STK24: variants seen among roughly 807,000 people sequenced by gnomAD.
The protein encoded by STK24 is serine/threonine kinase 24.
In STK24, 21 loss-of-function variants were observed where a neutral mutation model predicts 55.6. The ratio of observed to expected loss-of-function variants is 0.38; its 90% CI spans 0.27 to 0.54. The LOEUF (loss-of-function observed/expected upper bound fraction) is 0.54. Among genes scored for constraint, STK24 ranks in the 20% least tolerant of loss-of-function variants. STK24 has a pLI of 0.79. For synonymous variants in STK24, 200 were observed against 215.2 expected, an observed-to-expected ratio of 0.93 and a Z score of 0.62; for missense variants, 383 against 538.4, an observed-to-expected ratio of 0.71 and a Z score of 2.86.
chr13:98,540,025 C>T (rs1594653595), intron 1 of STK24, among the ~76,000 whole-genome samples: 1 of 152,180 alleles, frequency 6.6e-6, no homozygotes. Context: ...CAACAGAATA[C>T]GATTCTGCTG....
chr13:98,501,953 T>C (rs905643132), intron 2 of STK24, among the ~76,000 whole-genome samples: 2 of 152,212 alleles, frequency 1.3e-5, no homozygotes, highest in Non-Finnish European at 2.9e-5. Context: ...CCGGAGGTTC[T>C]TGCAGAGTCC....
At chr13:98,548,845 G>A (rs867774178) in intron 1 of STK24, among the ~76,000 whole-genome samples, 3 of 123,178 alleles carry the variant, frequency 2.4e-5, no homozygotes, top group African/African-American at 6.5e-5. Context: ...CCAGGCGACA[G>A]AGTGAGACTC....
In STK24 at chr13:98,446,075, T is replaced by C. The variant is rs375115166; in HGVS notation, c.*7098A>G. 4 of 1,555,314 alleles carry C rather than the reference T, an allele frequency of 2.6e-6. No individual in the cohort carries two copies. In the African/African-American group the frequency reaches 5.4e-5, roughly 21 times the overall value. On this transcript the variant is annotated 3_prime_UTR_variant, in exon 11 of 11. Transcript: ENST00000539966. ...CTGGGGCAGGTGCCCGCTGTGCTTC[T>C]CACAGGCCTCCTTGCCTTTCAGAAT... is the stretch of plus-strand genomic sequence containing the variant.
Position 98,488,160 on chromosome 13 carries a change from G to GACACACACAC in STK24, c.274-5849_274-5840dup, listed in dbSNP as rs71213678. Among the ~76,000 whole-genome samples, 945 of 130,388 alleles carry GACACACACAC rather than the reference G, an allele frequency of 7.2e-3. 9 individuals carry two copies. The highest frequency in any genetic ancestry group is 0.014 in the East Asian group (59 of 4,316). 85.5% of individuals were successfully genotyped at this position (130,388 alleles called of 152,430 possible). Reference sequence around the variant, plus strand: ...GGCTGGTGTCATAAAAAGAGATGAAGACACACACACACACACACACACACA... The same window carrying GACACACACAC: ...GGCTGGTGTCATAAAAAGAGATGAAGACACACACACACACACACACACACACACACACACA... On this transcript the variant is annotated intron_variant, in intron 2 of 10. Transcript: ENST00000539966.
intron 8 of STK24, among the ~76,000 whole-genome samples, chr13:98,461,313 A>G (rs1893696351): frequency 6.6e-6 from 1 of 152,248 alleles, no homozygotes; most frequent in Non-Finnish European, 1.5e-5. Context: ...ATGGCCTTTC[A>G]TAAATTTAAC....
intron 3 of STK24, among the ~76,000 whole-genome samples, chr13:98,478,792 G>A (rs1334425307): frequency 2.7e-5 from 4 of 146,348 alleles, no homozygotes; most frequent in Non-Finnish European, 4.6e-5. Flanking sequence ...GTTGTCCCTC[G>A]GATTCTCTGG....
chr13:98,552,152 G>A (rs1023486699), intron 1 of STK24, among the ~76,000 whole-genome samples: 6 of 152,128 alleles, frequency 3.9e-5, no homozygotes, highest in African/African-American at 1.4e-4. Context: ...TAAACAATTA[G>A]TCATGTATTG....
Position 98,540,412 on chromosome 13 carries a change from C to T in STK24, c.43-20939G>A, listed in dbSNP as rs76776367. On this transcript the variant is annotated intron_variant, in intron 1 of 10. Coordinates refer to ENST00000539966, the MANE Select transcript of STK24 (RefSeq NM_001032296.4). Reference sequence around the variant, plus strand: ...CTACACATTACATACCTTTAGACTTCTGTCTCTCACAAATGACTGTGAGAT... The same window carrying T: ...CTACACATTACATACCTTTAGACTTTTGTCTCTCACAAATGACTGTGAGAT... Among the ~76,000 whole-genome samples, 107 of 152,268 alleles carry T rather than the reference C, an allele frequency of 7.0e-4. 1 individual carries two copies. The East Asian group carries it at 0.017, about 24-fold the overall frequency.
intron 2 of STK24, among the ~76,000 whole-genome samples, chr13:98,491,549 C>T (rs1031815492): frequency 4.6e-5 from 7 of 152,060 alleles, no homozygotes; most frequent in Non-Finnish European, 1.0e-4. Flanking sequence ...ATCACATCCT[C>T]ACATCAAAGA....
intron 1 of STK24, among the ~76,000 whole-genome samples, chr13:98,567,317 T>G (rs1897610742): frequency 1.3e-5 from 2 of 148,774 alleles, no homozygotes; most frequent in African/African-American, 2.4e-5. Context: ...GTGGCACACG[T>G]GTGCCCCAGT....
intron 2 of STK24, among the ~76,000 whole-genome samples, chr13:98,483,373 G>T (rs1338151478): frequency 2.0e-5 from 3 of 152,192 alleles, no homozygotes; most frequent in Non-Finnish European, 4.4e-5. Flanking sequence ...TCAGGACTCG[G>T]TGGTGGCTTT....
Position 98,565,616 on chromosome 13 carries a change from A to G in STK24, c.42+11129T>C, listed in dbSNP as rs1341698596. ...CATTGCACTCCAGTCTGGGCACGAG[A>G]ATGAGACTCCATCTCAAAAAAAAAA... On this transcript the variant is annotated intron_variant, in intron 1 of 10. Coordinates refer to ENST00000539966, the MANE Select transcript of STK24 (RefSeq NM_001032296.4). 2.0e-5 allele frequency among the ~76,000 whole-genome samples: 3 copies of G among 148,152 alleles called. No homozygotes were observed. In the East Asian group the frequency reaches 6.1e-4, roughly 30 times the overall value.
At chr13:98,532,045 T>C (rs763476919) in intron 1 of STK24, among the ~76,000 whole-genome samples, 15 of 152,128 alleles carry the variant, frequency 9.9e-5, no homozygotes, top group Non-Finnish European at 1.8e-4. Context: ...ACCAGAATCT[T>C]TGGGGAAGGG....
chr13:98,446,275 C>T lies in STK24; in HGVS notation c.*6898G>A. The T allele has an allele frequency of 1.0e-6, 1 of 1,003,406 alleles. No homozygotes were observed. The highest frequency in any genetic ancestry group is 2.4e-5 in the East Asian group (1 of 41,728). 62.2% of individuals were successfully genotyped at this position (1,003,406 alleles called of 1,614,324 possible). A position where few individuals can be genotyped will look rare whatever the true frequency, so the allele number is the denominator to read the frequency against. Reference sequence around the variant, plus strand: ...GGCAGCATGAGGTGAGGGGGCCGCCCTCCTCTGGAATGACTCAGGCCTCTT... The same window carrying T: ...GGCAGCATGAGGTGAGGGGGCCGCCTTCCTCTGGAATGACTCAGGCCTCTT... On this transcript the variant is annotated 3_prime_UTR_variant, in exon 11 of 11. Transcript: ENST00000539966.
chr13:98,543,598 GAGAC>G (rs917162871), intron 1 of STK24, among the ~76,000 whole-genome samples: 12 of 152,316 alleles, frequency 7.9e-5, no homozygotes, highest in Admixed American at 2.0e-4. Context: ...TCGCTGCAGA[GAGAC>G]AGAGAATACA....
chr13:98,458,328 G>A (rs767169550), intron 9 of STK24, among the ~76,000 whole-genome samples: 3 of 152,224 alleles, frequency 2.0e-5, no homozygotes, highest in African/African-American at 7.2e-5. Flanking sequence ...GATGGACACC[G>A]CCTCCTCTTC....
intron 1 of STK24, among the ~76,000 whole-genome samples, chr13:98,554,499 G>C (rs1360695358): frequency 1.3e-5 from 2 of 152,120 alleles, no homozygotes; most frequent in East Asian, 1.9e-4. Flanking sequence ...AAATCACCTA[G>C]ATAAAACTCC....
At chr13:98,462,950 T>C (rs1457465845) in intron 7 of STK24, among the ~76,000 whole-genome samples, 1 of 152,166 alleles carries the variant, frequency 6.6e-6, no homozygotes, top group Non-Finnish European at 1.5e-5. Flanking sequence ...AATCTCCCAA[T>C]GGCAGTACCT....
At chr13:98,568,253 TCC>T (rs1461139841) in intron 1 of STK24, among the ~76,000 whole-genome samples, 1 of 151,876 alleles carries the variant, frequency 6.6e-6, no homozygotes, top group East Asian at 1.9e-4. Context: ...CGCTTCGGCC[TCC>T]CAAAGTGCTG....
Sources: allele counts gnomAD v4.1 joint callset (sites outside exome capture counted in the v4.1 genomes callset), GRCh38; gene constraint gnomAD v4.1.1; transcripts MANE v1.5; gene names NCBI Gene and HGNC (gene_info 2026-07-23, HGNC 2026-07-21).